ESR1: variants seen among roughly 807,000 people sequenced by gnomAD.
The protein encoded by ESR1 is estrogen receptor.
ESR1 carries 12 observed loss-of-function variants against 52.7 expected under a neutral mutation model. The observed-to-expected ratio is 0.23, with a 90% CI of 0.15 to 0.37. ESR1 has a LOEUF of 0.37. Ranked by LOEUF, ESR1 falls within the 10% of genes least tolerant of loss-of-function variation. ESR1 has a pLI of 1.00. For synonymous variants in ESR1, 305 were observed against 316.8 expected (o/e 0.96, Z 0.39); for missense variants, 584 against 779.7 (o/e 0.75, Z 2.99).
intron 4 of ESR1, among the ~76,000 whole-genome samples, chr6:151,958,543 C>T (rs2037264293): frequency 6.6e-6 from 1 of 152,172 alleles, no homozygotes; most frequent in Admixed American, 6.5e-5. Context: ...CAGGATGTGG[C>T]AGTTGGTCAT....
At chr6:152,010,882 C>T (rs1283468042) in intron 4 of ESR1, among the ~76,000 whole-genome samples, 1 of 149,662 alleles carries the variant, frequency 6.7e-6, no homozygotes, top group Admixed American at 6.6e-5. Context: ...CCTCCTCCTT[C>T]TCCTTCTTCT....
intron 2 of ESR1, among the ~76,000 whole-genome samples, chr6:151,853,438 C>T (rs1011771414): frequency 2.0e-5 from 3 of 152,070 alleles, no homozygotes; most frequent in African/African-American, 4.8e-5. Flanking sequence ...CACACATGCA[C>T]GCATATATTT....
rs376310578 is a variant in ESR1 at position 151,914,004 on chromosome 6, C to T, written c.761-30169C>T. 1.6e-4 allele frequency among the ~76,000 whole-genome samples: 24 copies of T among 152,168 alleles called. No individual in the cohort carries two copies. In the East Asian group the frequency reaches 1.7e-3, roughly 11 times the overall value. On this transcript the variant is annotated intron_variant, in intron 3 of 7. Transcript: ENST00000206249. ...ACAGTATGTGGTCTTGATGTGCTTTCTCCTTGCAAAATAAAATCTTTAGTT... is the reference window on the plus strand; with the variant it reads ...ACAGTATGTGGTCTTGATGTGCTTTTTCCTTGCAAAATAAAATCTTTAGTT...
At chr6:152,047,218 C>T (rs1226592785) in intron 5 of ESR1, among the ~76,000 whole-genome samples, 1 of 151,824 alleles carries the variant, frequency 6.6e-6, no homozygotes, top group African/African-American at 2.4e-5. Context: ...TTATTTGCCT[C>T]TGCTTGACTG....
intron 2 of ESR1, among the ~76,000 whole-genome samples, chr6:151,705,664 C>A (rs760712581): frequency 6.6e-6 from 1 of 152,196 alleles, no homozygotes; most frequent in South Asian, 2.1e-4. Flanking sequence ...TTACAGGTAC[C>A]TATCTGCTGT....
Position 151,952,873 on chromosome 6 carries a change from A to G in ESR1, c.1096+8365A>G, listed in dbSNP as rs971031578. ...AATGAACTTGTTCTTTAAAAGTCGT[A>G]TATGTGCAAAATAAATTTAAATTAA... On this transcript the variant is annotated intron_variant, in intron 4 of 7. Coordinates refer to ENST00000206249, the MANE Select transcript of ESR1 (RefSeq NM_000125.4). 2.0e-5 allele frequency among the ~76,000 whole-genome samples: 3 copies of G among 152,222 alleles called. No individual in the cohort carries two copies. In the East Asian group the frequency reaches 5.8e-4, roughly 29 times the overall value.
At chr6:151,803,670 C>G (rs1407065926), upstream of ESR1, among the ~76,000 whole-genome samples, 1 of 152,050 alleles carries the variant, frequency 6.6e-6, no homozygotes, top group Non-Finnish European at 1.5e-5. Flanking sequence ...CAGAGTGGTC[C>G]TTAGGAGGCC....
At chr6:152,018,748 G>C (rs1376148684) in intron 5 of ESR1, among the ~76,000 whole-genome samples, 1 of 151,930 alleles carries the variant, frequency 6.6e-6, no homozygotes, top group African/African-American at 2.4e-5. Context: ...CCCTTGAAGG[G>C]TTTGCGTGCC....
intron 2 of ESR1, among the ~76,000 whole-genome samples, chr6:151,777,669 G>T (rs1042896218): frequency 6.6e-6 from 1 of 152,104 alleles, no homozygotes; most frequent in Non-Finnish European, 1.5e-5. Context: ...TGATTAAAAT[G>T]TACAATAGGG....
chr6:152,105,693 T>C (rs1459419521), downstream of ESR1, among the ~76,000 whole-genome samples: 2 of 151,642 alleles, frequency 1.3e-5, no homozygotes, highest in Non-Finnish European at 2.9e-5. Context: ...CCCAAATTGC[T>C]CAGATTACAG....
At chr6:151,793,565 A>T (rs550836492) in intron 2 of ESR1, among the ~76,000 whole-genome samples, 1 of 152,326 alleles carries the variant, frequency 6.6e-6, no homozygotes, top group East Asian at 1.9e-4. Flanking sequence ...TGGTGGCACA[A>T]TAGGTTTGCT....
intron 1 of ESR1, among the ~76,000 whole-genome samples, chr6:151,675,212 A>G (rs963018668): frequency 4.6e-5 from 7 of 152,216 alleles, no homozygotes; most frequent in African/African-American, 1.7e-4. Context: ...GGTTTAGAAA[A>G]CATTACTAAT....
intron 1 of ESR1, among the ~76,000 whole-genome samples, chr6:151,819,276 A>C (rs1262616842): frequency 2.0e-5 from 3 of 152,154 alleles, no homozygotes; most frequent in Non-Finnish European, 4.4e-5. Flanking sequence ...TTAGTTGTAA[A>C]TAGAGTTGTC....
At chr6:152,068,146 G>T (rs2048113852) in intron 6 of ESR1, among the ~76,000 whole-genome samples, 1 of 152,232 alleles carries the variant, frequency 6.6e-6, no homozygotes, top group African/African-American at 2.4e-5. Flanking sequence ...CAAGGATGTG[G>T]CCACAACTGG....
intron 2 of ESR1, among the ~76,000 whole-genome samples, chr6:151,747,187 T>C (rs1243617769): frequency 6.6e-6 from 1 of 152,220 alleles, no homozygotes; most frequent in African/African-American, 2.4e-5. Flanking sequence ...ATTGAAGATG[T>C]GATGGATAGA....
At chr6:151,941,543 CA>C (rs1375024256) in intron 3 of ESR1, among the ~76,000 whole-genome samples, 2 of 150,542 alleles carry the variant, frequency 1.3e-5, no homozygotes, top group African/African-American at 2.5e-5. Context: ...CTTGCTCTTA[CA>C]TTTTTTTTTT....
intron 2 of ESR1, among the ~76,000 whole-genome samples, chr6:151,702,279 C>G (rs920330762): frequency 6.6e-6 from 1 of 152,126 alleles, no homozygotes; most frequent in African/African-American, 2.4e-5. Flanking sequence ...TGCATAGTAT[C>G]AGAGAGGTTA....
chr6:151,756,847 G>C (rs1269532715), intron 2 of ESR1, among the ~76,000 whole-genome samples: 29 of 152,148 alleles, frequency 1.9e-4, no homozygotes, highest in Non-Finnish European at 2.9e-5. Flanking sequence ...AAAATTAGCT[G>C]GGTGTGGTGG....
chr6:151,954,661 A>G (rs1007241507), intron 4 of ESR1, among the ~76,000 whole-genome samples: 1 of 152,236 alleles, frequency 6.6e-6, no homozygotes, highest in Non-Finnish European at 1.5e-5. Context: ...TGCTTATGGC[A>G]TTTGAAATGC....
Sources: gnomAD v4.1 joint callset for allele counts (sites outside exome capture counted in the v4.1 genomes callset) on GRCh38, gnomAD v4.1.1 for gene constraint, MANE v1.5 for transcripts, NCBI Gene and HGNC (gene_info 2026-07-23, HGNC 2026-07-21) for gene names.